CALN1: variants seen among roughly 807,000 people sequenced by gnomAD.
The protein encoded by CALN1 is calneuron 1.
In CALN1, 17 loss-of-function variants were observed where a neutral mutation model predicts 30.6. The ratio of observed to expected loss-of-function variants is 0.56; its 90% CI spans 0.38 to 0.83. The LOEUF (loss-of-function observed/expected upper bound fraction) is 0.83. CALN1 is among the 40% of genes least tolerant of loss of function. The probability of loss-of-function intolerance (pLI) is 0.00; values close to 1 mark genes in which losing one functional copy is unlikely to be tolerated. For missense variants in CALN1, 291 were observed against 354.9 expected, an observed-to-expected ratio of 0.82 and a Z score of 1.45; for synonymous variants, 156 against 131.4, an observed-to-expected ratio of 1.19 and a Z score of -1.28.
At chr7:72,039,791 G>A (rs966884822) in intron 4 of CALN1, among the ~76,000 whole-genome samples, 4 of 152,142 alleles carry the variant, frequency 2.6e-5, no homozygotes, top group Admixed American at 2.0e-4. Context: ...CTGGGCTTCT[G>A]AAGGTCTCTC....
At chr7:72,142,165 A>T (rs1463969063) in intron 3 of CALN1, among the ~76,000 whole-genome samples, 1 of 152,206 alleles carries the variant, frequency 6.6e-6, no homozygotes, top group African/African-American at 2.4e-5. Flanking sequence ...GAGCCGAAGC[A>T]GGGTGAGGCA....
At chr7:72,058,113 C>T (rs1273110882) in intron 4 of CALN1, among the ~76,000 whole-genome samples, 1 of 152,064 alleles carries the variant, frequency 6.6e-6, no homozygotes, top group Non-Finnish European at 1.5e-5. Context: ...TGGGGCCCCA[C>T]CACTATACCA....
intron 2 of CALN1, among the ~76,000 whole-genome samples, chr7:72,318,426 G>C (rs143110458): frequency 6.6e-6 from 1 of 152,168 alleles, no homozygotes; most frequent in Non-Finnish European, 1.5e-5. Flanking sequence ...CCTTGCAGAA[G>C]AACCACCTTG....
At chr7:72,280,617 C>T (rs1173848860) in intron 2 of CALN1, among the ~76,000 whole-genome samples, 1 of 152,134 alleles carries the variant, frequency 6.6e-6, no homozygotes, top group Non-Finnish European at 1.5e-5. Flanking sequence ...CTATCTTTTC[C>T]TTAAGGCCAA....
chr7:72,289,496 A>C (rs1798326678), intron 2 of CALN1, among the ~76,000 whole-genome samples: 1 of 152,234 alleles, frequency 6.6e-6, no homozygotes, highest in African/African-American at 2.4e-5. Context: ...ACTTGGTCTC[A>C]AAAAGAAACA....
intron 3 of CALN1, among the ~76,000 whole-genome samples, chr7:72,249,687 A>G (rs1397583170): frequency 2.6e-5 from 4 of 152,186 alleles, no homozygotes; most frequent in Non-Finnish European, 5.9e-5. Flanking sequence ...CTGTAATCCC[A>G]GCTACTCAGG....
chr7:72,219,292 C>A (rs1287838137), intron 3 of CALN1, among the ~76,000 whole-genome samples: 1 of 152,172 alleles, frequency 6.6e-6, no homozygotes, highest in Non-Finnish European at 1.5e-5. Flanking sequence ...GTGGCATGAT[C>A]ATATCTCACT....
chr7:71,922,710 T>TTA (rs1412113827), intron 5 of CALN1, among the ~76,000 whole-genome samples: 17 of 127,662 alleles, frequency 1.3e-4, no homozygotes, highest in South Asian at 2.7e-4. Flanking sequence ...ACAGAATATA[T>TTA]TATATAAATA....
intron 3 of CALN1, among the ~76,000 whole-genome samples, chr7:72,262,276 A>G (rs1450855562): frequency 1.3e-5 from 2 of 152,216 alleles, no homozygotes; most frequent in African/African-American, 4.8e-5. Flanking sequence ...AGGACTTGGA[A>G]GGCCTGCATA....
At chr7:71,878,066 G>T (rs975695875) in intron 5 of CALN1, among the ~76,000 whole-genome samples, 1 of 152,192 alleles carries the variant, frequency 6.6e-6, no homozygotes, top group Admixed American at 6.5e-5. Flanking sequence ...GACGCTGATG[G>T]TGGCTGCTGG....
intron 2 of CALN1, among the ~76,000 whole-genome samples, chr7:72,325,496 G>A (rs536768885): frequency 2.6e-5 from 4 of 152,272 alleles, no homozygotes; most frequent in African/African-American, 9.6e-5. Context: ...AGCTACTTGG[G>A]AGGCTGAGGC....
intron 2 of CALN1, among the ~76,000 whole-genome samples, chr7:72,285,103 T>C (rs1446464426): frequency 2.0e-5 from 3 of 152,168 alleles, no homozygotes; most frequent in Non-Finnish European, 2.9e-5. Flanking sequence ...TGCAGTGAGA[T>C]AAGTAAAAGA....
At chr7:72,096,313 T>A (rs1806229270) in intron 4 of CALN1, among the ~76,000 whole-genome samples, 1 of 152,156 alleles carries the variant, frequency 6.6e-6, no homozygotes, top group African/African-American at 2.4e-5. Flanking sequence ...CTTTACTTCC[T>A]TCATCAGGTT....
chr7:71,831,724 A>G (rs1054529654), intron 5 of CALN1, among the ~76,000 whole-genome samples: 17 of 151,568 alleles, frequency 1.1e-4, no homozygotes, highest in Middle Eastern at 3.4e-3. Context: ...CATCTCTACA[A>G]AAAAATACAA....
chr7:72,172,483 G>T (rs979926166), intron 3 of CALN1, among the ~76,000 whole-genome samples: 1 of 152,100 alleles, frequency 6.6e-6, no homozygotes, highest in Non-Finnish European at 1.5e-5. Context: ...GATAAGAAAA[G>T]AAAACTCCAG....
chr7:71,956,194 G>A (rs1796953218), intron 5 of CALN1, among the ~76,000 whole-genome samples: 1 of 151,996 alleles, frequency 6.6e-6, no homozygotes, highest in African/African-American at 2.4e-5. Flanking sequence ...CATCATGTTG[G>A]CCAGGCTGGT....
intron 2 of CALN1, among the ~76,000 whole-genome samples, chr7:72,279,245 G>A (rs1171363725): frequency 6.6e-6 from 1 of 152,150 alleles, no homozygotes; most frequent in Non-Finnish European, 1.5e-5. Context: ...ATCAAGCAGA[G>A]ATCCAAATGT....
At chr7:71,852,838 C>T (rs969442390) in intron 5 of CALN1, among the ~76,000 whole-genome samples, 10 of 151,982 alleles carry the variant, frequency 6.6e-5, no homozygotes, top group Non-Finnish European at 1.3e-4. Flanking sequence ...ATTGATTGTG[C>T]TTATTAGCCA....
At chr7:72,388,569 G>C (rs973243287) in intron 2 of CALN1, among the ~76,000 whole-genome samples, 2 of 152,102 alleles carry the variant, frequency 1.3e-5, no homozygotes, top group Non-Finnish European at 2.9e-5. Flanking sequence ...TGGGGATATG[G>C]GCACTCTGTG....
Sources: gnomAD v4.1 joint callset for allele counts (sites outside exome capture counted in the v4.1 genomes callset) on GRCh38, gnomAD v4.1.1 for gene constraint, MANE v1.5 for transcripts, NCBI Gene and HGNC (gene_info 2026-07-23, HGNC 2026-07-21) for gene names.